The following ZNF285 variants were observed in gnomAD, a reference collection of about 807,000 sequenced individuals.
The protein encoded by ZNF285 is zinc finger protein 285.
A neutral mutation model predicts 6.2 loss-of-function variants in ZNF285; 4 were observed. That is an observed-to-expected ratio of 0.65 (90% CI 0.32 to 1.49). The LOEUF is 1.49. Among genes scored for constraint, ZNF285 ranks in the 40% most tolerant of loss-of-function variants. The probability of loss-of-function intolerance (pLI) is 0.07; values close to 1 mark genes in which losing one functional copy is unlikely to be tolerated. For synonymous variants in ZNF285, 240 were observed against 245.8 expected (o/e 0.98, Z 0.22); for missense variants, 695 against 708.8 (o/e 0.98, Z 0.22).
chr19:44,396,350 T>C (rs1971280322), intron 2 of ZNF285, among the ~76,000 whole-genome samples: 2 of 152,142 alleles, frequency 1.3e-5, no homozygotes, highest in African/African-American at 4.8e-5. Context: ...TTTTTCATGA[T>C]TAAAAGAAAA....
rs1971087611 is a variant in ZNF285 at position 44,386,867 on chromosome 19, C to T, written c.1378G>A (p.Val460Met). Residue 460 changes from valine (V) to methionine (M), a missense_variant, in exon 4 of 4, where the codon GTG (valine) becomes ATG (methionine). Val to Met is a conservative substitution (Grantham distance 21, BLOSUM62 1). Coordinates refer to ENST00000614994, the MANE Select transcript of ZNF285 (RefSeq NM_152354.6). Reference sequence around the variant, plus strand: ...CTATACGCAAAATCCTTTCCACACACATTGCATTTGTATGGTTTCTCCCCT... The same window carrying T: ...CTATACGCAAAATCCTTTCCACACATATTGCATTTGTATGGTTTCTCCCCT... ...HTGEKPYKCN[V>M]CGKDFAYSSV... 3 of 1,614,238 alleles carry T rather than the reference C, an allele frequency of 1.9e-6. No individual in the cohort carries two copies. The highest frequency in any genetic ancestry group is 2.5e-6 in the Non-Finnish European group (3 of 1,180,040).
chr19:44,383,404 A>G lies in ZNF285; in HGVS notation c.*3068T>C, dbSNP rs979051789. 2.0e-5 allele frequency: 3 copies of G among 152,176 alleles called. No homozygotes were observed. Among genetic ancestry groups the G allele is most frequent in the African/African-American group, 7.2e-5 (3 of 41,434 alleles). 9.4% of individuals were successfully genotyped at this position (152,176 alleles called of 1,614,324 possible). A position where few individuals can be genotyped will look rare whatever the true frequency, so the allele number is the denominator to read the frequency against. On this transcript the variant is annotated 3_prime_UTR_variant, in exon 4 of 4. Transcript: ENST00000614994. ...CTTTTGCCCTTGAAACCCTGGCACT[A>G]TGGGACCAACCCTCGATTGGTCTTC...
At position 44,386,559 on chromosome 19, in the gene ZNF285, A is replaced by G; in HGVS notation, c.1686T>C (p.His562=). ...AGTGTGTGTACTGTGTCTCATCTAT[A>G]TGCACTCTCTGATGGGCAAGGAGGT... The part of the protein sequence containing the change: ...NSYLLAHQRV[H]IDETQYTHCE... Residue 562 remains histidine (H), a synonymous_variant, in exon 4 of 4, where the codon CAT becomes CAC. Transcript: ENST00000614994. 6.2e-7 allele frequency: 1 copy of G among 1,614,118 alleles called. No homozygotes were observed. The highest frequency in any genetic ancestry group is 1.1e-5 in the South Asian group (1 of 91,080).
At chr19:44,395,937 T>A (rs1414113076) in intron 2 of ZNF285, among the ~76,000 whole-genome samples, 2 of 152,122 alleles carry the variant, frequency 1.3e-5, no homozygotes, top group African/African-American at 2.4e-5. Flanking sequence ...GTCCAGGCCA[T>A]AACCATTGAG....
Position 44,386,872 on chromosome 19 carries a change from C to G in ZNF285, c.1373G>C (p.Cys458Ser), listed in dbSNP as rs1169811826. 6.2e-7 allele frequency: 1 copy of G among 1,614,098 alleles called. No homozygotes were observed. Among genetic ancestry groups the G allele is most frequent in the African/African-American group, 1.3e-5 (1 of 74,938 alleles). Residue 458 changes from cysteine to serine, a missense_variant, in exon 4 of 4, where the codon TGC becomes TCC. Transcript: ENST00000614994. ...CGCAAAATCCTTTCCACACACATTG[C>G]ATTTGTATGGTTTCTCCCCTGTGTG... ...RVHTGEKPYK[C>S]NVCGKDFAYS...
chr19:44,385,087 C>A lies in ZNF285; in HGVS notation c.*1385G>T, dbSNP rs2123253914. The A allele has an allele frequency of 6.7e-6, 1 of 148,904 alleles. No individual in the cohort carries two copies. Among genetic ancestry groups the A allele is most frequent in the East Asian group, 2.0e-4 (1 of 5,014 alleles). 9.2% of individuals were successfully genotyped at this position (148,904 alleles called of 1,614,324 possible). On this transcript the variant is annotated 3_prime_UTR_variant, in exon 4 of 4. Transcript: ENST00000614994. The stretch of plus-strand genomic sequence containing the variant: ...ATTAAATGACAAATTTGGGGGGAAA[C>A]TGACAGAAAGAGCATCCTTTAAAAA...
Position 44,386,480 on chromosome 19 carries a change from T to C in ZNF285, c.1765A>G (p.Thr589Ala), listed in dbSNP as rs1568382630. 6.2e-7 allele frequency: 1 copy of C among 1,610,088 alleles called. No homozygotes were observed. The highest frequency in any genetic ancestry group is 1.3e-5 in the African/African-American group (1 of 74,926). Residue 589 changes from threonine (T) to alanine (A), a missense_variant, in exon 4 of 4, where the codon ACA becomes GCA. Physicochemically the swap from Thr to Ala is moderately conservative, Grantham distance 58. Coordinates refer to ENST00000614994, the MANE Select transcript of ZNF285 (RefSeq NM_152354.6). Reference protein sequence around the residue: ...THQRLHEQRETL With the variant: ...THQRLHEQREAL Reference sequence around the variant, plus strand: ...ACCCTGACTTACTACATTTATAATGTTTCTCTCTGCTCATGTAGTCTTTGA... The same window carrying C: ...ACCCTGACTTACTACATTTATAATGCTTCTCTCTGCTCATGTAGTCTTTGA...
At chr19:44,388,152 C>A in intron 3 of ZNF285, 50 bp from the exon 4 acceptor site, 1 of 1,542,124 alleles carries the variant, frequency 6.5e-7, no homozygotes. Context: ...ATCATCCATC[C>A]AGAGGTTTTG....
At chr19:44,399,289 G>T (rs1429527852) in intron 1 of ZNF285, among the ~76,000 whole-genome samples, 2 of 144,510 alleles carry the variant, frequency 1.4e-5, no homozygotes, top group Non-Finnish European at 3.0e-5. Flanking sequence ...AAATAAGGAG[G>T]GTTCAACTCA....
intron 3 of ZNF285, 143 bp downstream of exon 3, chr19:44,392,197 G>T: frequency 6.6e-7 from 1 of 1,513,846 alleles, no homozygotes; most frequent in Non-Finnish European, 8.8e-7. Context: ...TTAACTGTAG[G>T]TTTCTAACCT....
At chr19:44,395,424 C>A (rs185482634) in intron 2 of ZNF285, among the ~76,000 whole-genome samples, 13 of 152,180 alleles carry the variant, frequency 8.5e-5, no homozygotes, top group African/African-American at 3.1e-4. Context: ...AGTAGAGGGG[C>A]AGATTTCTCT....
chr19:44,387,780 T>C lies in ZNF285; in HGVS notation c.465A>G (p.Ile155Met), dbSNP rs770264097. 1 of 1,613,932 alleles carries C rather than the reference T, an allele frequency of 6.2e-7. No homozygotes were observed. The highest frequency in any genetic ancestry group is 8.5e-7 in the Non-Finnish European group (1 of 1,179,852). ...LTPESWRKAN[I>M]MTEPQNSQGR... ...CCTGAGAGTTCTGGGGCTCGGTCATTATGTTGGCTTTCCTCCACGATTCTG... is the reference window on the plus strand; with the variant it reads ...CCTGAGAGTTCTGGGGCTCGGTCATCATGTTGGCTTTCCTCCACGATTCTG... Residue 155 changes from isoleucine to methionine, a missense_variant, in exon 4 of 4, where the codon ATA (isoleucine) becomes ATG (methionine). Coordinates refer to ENST00000614994, the MANE Select transcript of ZNF285 (RefSeq NM_152354.6).
chr19:44,398,250 C>A (rs17800303), intron 1 of ZNF285, among the ~76,000 whole-genome samples: 9,067 of 152,068 alleles, frequency 0.06, 394 homozygotes, highest in East Asian at 0.2. Flanking sequence ...GCAGGTAGAC[C>A]AAAGTAGGTA....
At chr19:44,397,162 A>G (rs1348769575) in intron 2 of ZNF285, 37 bp downstream of exon 2, 5 of 1,613,644 alleles carry the variant, frequency 3.1e-6, no homozygotes, top group Non-Finnish European at 4.2e-6. Context: ...CCTCAGAATG[A>G]ACAGCATATT....
At position 44,384,704 on chromosome 19, in the gene ZNF285, G is replaced by C. The variant is rs1885375530; in HGVS notation, c.*1768C>G. On this transcript the variant is annotated 3_prime_UTR_variant, in exon 4 of 4. Coordinates refer to ENST00000614994, the MANE Select transcript of ZNF285 (RefSeq NM_152354.6). Reference sequence around the variant, plus strand: ...TTTTGAAGGAAAAAAAAAACACCTTGTGGGATGAGTGCAGTGGCCCAAACC... The same window carrying C: ...TTTTGAAGGAAAAAAAAAACACCTTCTGGGATGAGTGCAGTGGCCCAAACC... 6.6e-6 allele frequency: 1 copy of C among 151,962 alleles called. No homozygotes were observed. The highest frequency in any genetic ancestry group is 2.4e-5 in the African/African-American group (1 of 41,408). 9.4% of individuals were successfully genotyped at this position (151,962 alleles called of 1,614,324 possible).
chr19:44,389,965 G>A lies in ZNF285; in HGVS notation c.143-1863C>T, dbSNP rs531536401. Among the ~76,000 whole-genome samples, 606 of 152,268 alleles carry A rather than the reference G, an allele frequency of 4.0e-3. 4 individuals carry two copies. Among genetic ancestry groups the A allele is most frequent in the African/African-American group, 0.013 (555 of 41,522 alleles). On this transcript the variant is annotated intron_variant, in intron 3 of 3. Transcript: ENST00000614994. ...AGTTCTTCTTATAAGCTGTGTGATC[G>A]TGGGCAAGTTATTAATTCTGTGACT...
In ZNF285 at chr19:44,383,682, GA is replaced by G. The variant is rs1971032609; in HGVS notation, c.*2789del. On this transcript the variant is annotated 3_prime_UTR_variant, in exon 4 of 4. Transcript: ENST00000614994. ...TTGTGTGTGTTATGAGGCAGAAGCT[GA>G]TAAGCATATTTAGGATAAATTATAC... 6.6e-6 allele frequency: 1 copy of G among 152,142 alleles called. No homozygotes were observed. The highest frequency in any genetic ancestry group is 2.4e-5 in the African/African-American group (1 of 41,428). The allele number at this position is 152,142 out of a possible 1,614,324, so 9.4% of individuals were successfully genotyped here.
At position 44,387,148 on chromosome 19, in the gene ZNF285, T is replaced by G; in HGVS notation, c.1097A>C (p.His366Pro). ...ACATTTATAGGGCTTTTTCCCTGTG[T>G]GTACTCCCTGATGAATACAAAGAAG... ...RSLLCIHQGV[H>P]TGKKPYKCEE... Residue 366 changes from histidine to proline, a missense_variant, in exon 4 of 4, where the codon CAC (histidine) becomes CCC (proline). Transcript: ENST00000614994. 1 of 1,614,160 alleles carries G rather than the reference T, an allele frequency of 6.2e-7. No individual in the cohort carries two copies. Among genetic ancestry groups the G allele is most frequent in the Non-Finnish European group, 8.5e-7 (1 of 1,180,024 alleles).
intron 3 of ZNF285, chr19:44,392,085 A>G: frequency 9.4e-7 from 1 of 1,061,174 alleles, no homozygotes; most frequent in Non-Finnish European, 1.2e-6. Flanking sequence ...TAGGGGAGGG[A>G]GGGCTTACTT....
Sources: allele counts gnomAD v4.1 joint callset (sites outside exome capture counted in the v4.1 genomes callset), GRCh38; gene constraint gnomAD v4.1.1; transcripts MANE v1.5; gene names NCBI Gene and HGNC (gene_info 2026-07-23, HGNC 2026-07-21).